Variants in PLCL2 observed in about 807,000 individuals in gnomAD.
The protein encoded by PLCL2 is phospholipase C like 2.
PLCL2 carries 4 observed loss-of-function variants against 79.6 expected under a neutral mutation model. The ratio of observed to expected loss-of-function variants is 0.05; its 90% CI spans 0.02 to 0.11. The LOEUF is 0.11. Ranked by LOEUF, PLCL2 falls within the 10% of genes least tolerant of loss-of-function variation. The pLI is 1.00. For missense variants in PLCL2, 895 were observed against 1,291.0 expected, an observed-to-expected ratio of 0.69 and a Z score of 4.70; for synonymous variants, 484 against 457.7, an observed-to-expected ratio of 1.06 and a Z score of -0.73.
chr3:17,013,438 A>C (rs1256329430), intron 2 of PLCL2, among the ~76,000 whole-genome samples: 1 of 152,224 alleles, frequency 6.6e-6, no homozygotes, highest in East Asian at 1.9e-4. Flanking sequence ...GGAAACAGAC[A>C]GGAGGCAGGC....
chr3:16,941,814 A>G lies in PLCL2; in HGVS notation c.327+56448A>G, dbSNP rs938922961. Among the ~76,000 whole-genome samples, 18 of 151,596 alleles carry G rather than the reference A, an allele frequency of 1.2e-4. 1 individual carries two copies. The highest frequency in any genetic ancestry group is 4.4e-4 in the African/African-American group (18 of 41,302). The stretch of plus-strand genomic sequence containing the variant: ...ACTAGAAGAGAAAATGCTGTTTTGT[A>G]TGTTTGTCTGTACTTGTATATAGGT... On this transcript the variant is annotated intron_variant, in intron 1 of 5. Coordinates refer to ENST00000615277, the MANE Select transcript of PLCL2 (RefSeq NM_001144382.2).
At chr3:16,972,562 C>G (rs1008279207) in intron 1 of PLCL2, among the ~76,000 whole-genome samples, 10 of 152,144 alleles carry the variant, frequency 6.6e-5, no homozygotes, top group Non-Finnish European at 1.5e-4. Context: ...CCTTGATGAT[C>G]TAACATTGTT....
intron 1 of PLCL2, among the ~76,000 whole-genome samples, chr3:16,918,525 C>T (rs781010940): frequency 4.6e-5 from 7 of 151,856 alleles, no homozygotes; most frequent in Non-Finnish European, 1.0e-4. Flanking sequence ...ATGGAAAGTC[C>T]CCTAATGTTA....
chr3:16,885,212 A>G lies in PLCL2; in HGVS notation c.173A>G (p.Asp58Gly). Residue 58 changes from aspartate (D) to glycine (G), a missense_variant, in exon 1 of 6, where the codon GAC becomes GGC. Transcript: ENST00000615277. ...RYDSGGVSNG[D>G]CSLGVSGDEA... ...GACAGCGGCGGGGTTTCCAACGGAG[A>G]CTGCAGCCTCGGCGTGTCCGGGGAC... is the stretch of plus-strand genomic sequence containing the variant. 1.5e-6 allele frequency: 1 copy of G among 645,604 alleles called. No individual in the cohort carries two copies. The highest frequency in any genetic ancestry group is 2.8e-6 in the Non-Finnish European group (1 of 357,700). 40.0% of individuals were successfully genotyped at this position (645,604 alleles called of 1,614,324 possible). A position where few individuals can be genotyped will look rare whatever the true frequency, so the allele number is the denominator to read the frequency against.
chr3:17,055,714 T>C (rs1162068875), intron 4 of PLCL2, among the ~76,000 whole-genome samples: 4 of 152,196 alleles, frequency 2.6e-5, no homozygotes, highest in African/African-American at 7.2e-5. Flanking sequence ...GGAATTTGCA[T>C]TGTGGTGAGC....
chr3:17,050,080 G>A (rs1332246186), intron 4 of PLCL2, among the ~76,000 whole-genome samples: 1 of 152,152 alleles, frequency 6.6e-6, no homozygotes, highest in Non-Finnish European at 1.5e-5. Flanking sequence ...ATACAGTGGG[G>A]AAAACACAGT....
chr3:17,047,893 GTC>G (rs1276984183), intron 4 of PLCL2, among the ~76,000 whole-genome samples: 4 of 152,076 alleles, frequency 2.6e-5, no homozygotes, highest in African/African-American at 9.7e-5. Flanking sequence ...ATTTCCAACT[GTC>G]TGTTTGTATA....
intron 1 of PLCL2, among the ~76,000 whole-genome samples, chr3:16,987,279 G>T (rs2064060611): frequency 6.6e-6 from 1 of 152,002 alleles, no homozygotes; most frequent in Non-Finnish European, 1.5e-5. Flanking sequence ...ATTCAGAAAC[G>T]CTTCCTAGCA....
At chr3:17,025,823 G>A (rs1277044972) in intron 3 of PLCL2, among the ~76,000 whole-genome samples, 2 of 152,124 alleles carry the variant, frequency 1.3e-5, no homozygotes, top group Admixed American at 6.5e-5. Context: ...CTCATATTTT[G>A]TTGTTACGTT....
chr3:17,062,391 A>C (rs2064961563), intron 4 of PLCL2, among the ~76,000 whole-genome samples: 1 of 152,210 alleles, frequency 6.6e-6, no homozygotes, highest in South Asian at 2.1e-4. Flanking sequence ...TTACCTACTT[A>C]GTTTTGGTTT....
chr3:16,913,911 CTG>C (rs1292696403), intron 1 of PLCL2, among the ~76,000 whole-genome samples: 1 of 152,144 alleles, frequency 6.6e-6, no homozygotes, highest in African/African-American at 2.4e-5. Context: ...AATACAGGGA[CTG>C]TAGCATTAAT....
chr3:17,031,052 T>C (rs1469559829), intron 3 of PLCL2, among the ~76,000 whole-genome samples: 1 of 152,206 alleles, frequency 6.6e-6, no homozygotes, highest in Non-Finnish European at 1.5e-5. Context: ...AGAGTTAACG[T>C]AGCATCCAGA....
chr3:17,070,041 C>G lies in PLCL2; in HGVS notation c.3204+1976C>G, dbSNP rs1448637260. ...AGCAGATTAAGCCCTGTGGTAGGAA[C>G]AAATGCTCACTTTGCTTTAATTTTA... On this transcript the variant is annotated intron_variant, in intron 5 of 5. Coordinates refer to ENST00000615277, the MANE Select transcript of PLCL2 (RefSeq NM_001144382.2). Among the ~76,000 whole-genome samples the G allele has an allele frequency of 2.0e-5, 3 of 152,176 alleles. No individual in the cohort carries two copies. The South Asian group carries it at 6.2e-4, about 31-fold the overall frequency.
intron 1 of PLCL2, among the ~76,000 whole-genome samples, chr3:16,925,822 C>T (rs1000833056): frequency 1.2e-4 from 19 of 152,146 alleles, no homozygotes; most frequent in Admixed American, 1.2e-3. Context: ...ATGGACTATG[C>T]TGCTATGATC....
intron 1 of PLCL2, among the ~76,000 whole-genome samples, chr3:16,932,590 G>A (rs543781998): frequency 1.3e-5 from 2 of 152,312 alleles, no homozygotes; most frequent in East Asian, 3.9e-4. Flanking sequence ...GATTTCTGCT[G>A]AATTTTCTCT....
chr3:17,031,711 A>G (rs1380855657), intron 3 of PLCL2, among the ~76,000 whole-genome samples: 9 of 152,222 alleles, frequency 5.9e-5, no homozygotes, highest in Non-Finnish European at 8.8e-5. Context: ...TCCCCTAACA[A>G]GACTTCTGGT....
In PLCL2 at chr3:16,957,749, C is replaced by T. The variant is rs549776518; in HGVS notation, c.328-51925C>T. Among the ~76,000 whole-genome samples the T allele has an allele frequency of 2.0e-5, 3 of 152,268 alleles. 1 individual carries two copies. Among genetic ancestry groups the T allele is most frequent in the African/African-American group, 7.2e-5 (3 of 41,548 alleles). ...GCATATATATTTAGGATAGTTAGCT[C>T]TTCTTGTTGAATTGATCCCTTTACC... On this transcript the variant is annotated intron_variant, in intron 1 of 5. Transcript: ENST00000615277.
intron 3 of PLCL2, among the ~76,000 whole-genome samples, chr3:17,021,409 AT>A: frequency 6.6e-6 from 1 of 152,304 alleles, no homozygotes; most frequent in East Asian, 1.9e-4. Context: ...CATCACATGT[AT>A]TATCAGATGA....
intron 1 of PLCL2, among the ~76,000 whole-genome samples, chr3:16,980,057 C>G: frequency 7.1e-6 from 1 of 140,474 alleles, no homozygotes. Flanking sequence ...CAGAGGTGCC[C>G]CTCACCTCCG....
Sources: allele counts gnomAD v4.1 joint callset (sites outside exome capture counted in the v4.1 genomes callset), GRCh38; gene constraint gnomAD v4.1.1; transcripts MANE v1.5; gene names NCBI Gene and HGNC (gene_info 2026-07-23, HGNC 2026-07-21).